The following PRCP variants were observed in gnomAD, a reference collection of about 807,000 sequenced individuals.
PRCP encodes the protein lysosomal Pro-X carboxypeptidase.
Under a neutral mutation model 54.2 loss-of-function variants are expected in PRCP, and 46 were observed. That is an observed-to-expected ratio of 0.85 (90% CI 0.67 to 1.09). PRCP has a LOEUF of 1.09. PRCP is among the 50% of genes least tolerant of loss of function. The pLI, the probability that PRCP is intolerant of heterozygous loss-of-function variation, is 0.00. For missense variants in PRCP, 613 were observed against 596.8 expected (o/e 1.03, Z -0.28); for synonymous variants, 240 against 212.2 (o/e 1.13, Z -1.14).
At chr11:82,842,148 C>T (rs940549444) in intron 6 of PRCP, among the ~76,000 whole-genome samples, 1 of 152,128 alleles carries the variant, frequency 6.6e-6, no homozygotes, top group African/African-American at 2.4e-5. Flanking sequence ...GGCATCAGAG[C>T]CCCTCTTAGA....
chr11:82,857,008 C>G (rs1156389879), intron 2 of PRCP, among the ~76,000 whole-genome samples: 1 of 132,836 alleles, frequency 7.5e-6, no homozygotes, highest in Non-Finnish European at 1.5e-5. Flanking sequence ...GCACTCCAGC[C>G]TGGGCGACAG....
In PRCP at chr11:82,853,232, A is replaced by G; in HGVS notation, c.356T>C (p.Phe119Ser). 6 of 1,613,426 alleles carry G rather than the reference A, an allele frequency of 3.7e-6. No homozygotes were observed. The highest frequency in any genetic ancestry group is 5.1e-6 in the Non-Finnish European group (6 of 1,179,558). Residue 119 changes from phenylalanine (F) to serine (S), a missense_variant, in exon 3 of 9, where the codon TTT (phenylalanine) becomes TCT (serine). Transcript: ENST00000313010. ...VAEELKAMLVFAEHRYYGESL... is the reference protein window; with the variant it reads ...VAEELKAMLVSAEHRYYGESL... ...CTCTCCATAGTATCGATGTTCAGCAAACACCAACATAGCTTTCAGTTCCTC... is the reference window on the plus strand; with the variant it reads ...CTCTCCATAGTATCGATGTTCAGCAGACACCAACATAGCTTTCAGTTCCTC...
intron 8 of PRCP, chr11:82,835,746 A>G (rs893385520): frequency 8.3e-6 from 3 of 359,916 alleles, no homozygotes; most frequent in Non-Finnish European, 1.6e-5. Context: ...GAGAAAAAAA[A>G]GACATTTGAT....
At chr11:82,844,012 A>G (rs1171893084) in intron 6 of PRCP, among the ~76,000 whole-genome samples, 1 of 150,800 alleles carries the variant, frequency 6.6e-6, no homozygotes, top group African/African-American at 2.4e-5. Context: ...AAAAAGCACT[A>G]TGAATATAGG....
At chr11:82,833,929 C>A (rs1020299551) in intron 8 of PRCP, among the ~76,000 whole-genome samples, 6 of 152,152 alleles carry the variant, frequency 3.9e-5, no homozygotes, top group Admixed American at 3.9e-4. Context: ...ACTTTTCTCA[C>A]AAAATATGCC....
chr11:82,854,612 T>C (rs1859036502), intron 2 of PRCP, among the ~76,000 whole-genome samples: 1 of 152,112 alleles, frequency 6.6e-6, no homozygotes, highest in South Asian at 2.1e-4. Context: ...ACTATTGCTA[T>C]CAAATTACCA....
At chr11:82,840,609 A>G (rs1029918215) in intron 6 of PRCP, 7 of 152,276 alleles carry the variant, frequency 4.6e-5, no homozygotes, top group Middle Eastern at 3.4e-3. Flanking sequence ...TAACTTTTCC[A>G]TATGTTTCAA....
chr11:82,839,165 G>A (rs780736071), intron 7 of PRCP, 96 bp downstream of exon 7: 2 of 1,323,550 alleles, frequency 1.5e-6, no homozygotes, highest in Non-Finnish European at 2.1e-6. Context: ...CTGGATCCAG[G>A]TTAGGTGACA....
At chr11:82,900,920 G>C (rs12282547), upstream of PRCP, 25,623 of 451,780 alleles carry the variant, frequency 0.057, 1,790 homozygotes, top group African/African-American at 0.21. Flanking sequence ...AGTGTATCAC[G>C]AGGCAGGGAG....
intron 8 of PRCP, chr11:82,828,702 C>T (rs1476999084): frequency 1.3e-5 from 2 of 152,158 alleles, no homozygotes; most frequent in African/African-American, 4.8e-5. Context: ...TAAGTACAAC[C>T]TATATACAGA....
At position 82,865,365 on chromosome 11, in the gene PRCP, C is replaced by T. The variant is rs193101813; in HGVS notation, c.169-5248G>A. Among the ~76,000 whole-genome samples, 670 of 152,078 alleles carry T rather than the reference C, an allele frequency of 4.4e-3. 4 individuals carry two copies. Among genetic ancestry groups the T allele is most frequent in the Middle Eastern group, 0.01 (3 of 294 alleles). On this transcript the variant is annotated intron_variant, in intron 1 of 8. Coordinates refer to ENST00000313010, the MANE Select transcript of PRCP (RefSeq NM_005040.4). ...ATTTGCAAAATGAAGGACAAATCTC[C>T]CAGCCATTTACTAACAGTTACATTG...
intron 1 of PRCP, among the ~76,000 whole-genome samples, chr11:82,883,445 T>C (rs1300003783): frequency 6.6e-6 from 1 of 152,204 alleles, no homozygotes; most frequent in Non-Finnish European, 1.5e-5. Flanking sequence ...AAATGTGTAA[T>C]GTCTGGCACA....
At chr11:82,860,838 T>C (rs1475151663) in intron 1 of PRCP, among the ~76,000 whole-genome samples, 1 of 152,116 alleles carries the variant, frequency 6.6e-6, no homozygotes, top group Non-Finnish European at 1.5e-5. Context: ...ATTAGTGAAG[T>C]GGCTGATTGA....
intron 8 of PRCP, chr11:82,835,472 C>T (rs373660906): frequency 1.4e-5 from 3 of 215,942 alleles, no homozygotes; most frequent in Middle Eastern, 1.7e-3. Flanking sequence ...CTGGGCTGTC[C>T]GAGTTCCCAT....
chr11:82,849,518 T>C (rs1858895008), intron 5 of PRCP, among the ~76,000 whole-genome samples: 1 of 152,174 alleles, frequency 6.6e-6, no homozygotes, highest in Admixed American at 6.5e-5. Context: ...AATGGATGTA[T>C]CTATCAAACA....
intron 3 of PRCP, among the ~76,000 whole-genome samples, chr11:82,851,555 A>G (rs1293422507): frequency 4.6e-5 from 7 of 151,032 alleles, no homozygotes; most frequent in Non-Finnish European, 4.4e-5. Context: ...ACCAGCTGAC[A>G]TCCTAACCTC....
At chr11:82,863,168 T>G (rs1859248324) in intron 1 of PRCP, among the ~76,000 whole-genome samples, 1 of 152,218 alleles carries the variant, frequency 6.6e-6, no homozygotes, top group Non-Finnish European at 1.5e-5. Context: ...CAGTAAACTG[T>G]GCTTTAACAA....
intron 6 of PRCP, among the ~76,000 whole-genome samples, chr11:82,843,759 A>T (rs1457534083): frequency 6.6e-6 from 1 of 152,218 alleles, no homozygotes; most frequent in Non-Finnish European, 1.5e-5. Context: ...ACAACTACTG[A>T]ATATTCTTTG....
At chr11:82,856,968 G>A (rs1265788771) in intron 2 of PRCP, among the ~76,000 whole-genome samples, 3 of 144,644 alleles carry the variant, frequency 2.1e-5, no homozygotes, top group Non-Finnish European at 3.0e-5. Context: ...CCTGGGAGGC[G>A]AAGCTTGCAG....
Sources: allele counts gnomAD v4.1 joint callset (sites outside exome capture counted in the v4.1 genomes callset), GRCh38; gene constraint gnomAD v4.1.1; transcripts MANE v1.5; gene names NCBI Gene and HGNC (gene_info 2026-07-23, HGNC 2026-07-21).